SLC35D2: variants seen among roughly 807,000 people sequenced by gnomAD.
The protein encoded by SLC35D2 is solute carrier family 35 member D2.
In SLC35D2, 43 loss-of-function variants were observed where a neutral mutation model predicts 41.8. The ratio of observed to expected loss-of-function variants is 1.03; its 90% CI spans 0.81 to 1.33. The LOEUF (loss-of-function observed/expected upper bound fraction) is 1.33. Among genes scored for constraint, SLC35D2 ranks in the 40% most tolerant of loss-of-function variants. SLC35D2 has a pLI of 0.00. For synonymous variants in SLC35D2, 150 were observed against 163.9 expected (o/e 0.92, Z 0.65); for missense variants, 380 against 408.4 (o/e 0.93, Z 0.60).
chr9:96,365,421 G>T (rs566482439), intron 2 of SLC35D2, among the ~76,000 whole-genome samples: 6 of 152,172 alleles, frequency 3.9e-5, no homozygotes, highest in African/African-American at 1.2e-4. Context: ...GGGGCTCTAG[G>T]AATGAACTGT....
At chr9:96,371,474 CAAAAAAAAAAAAAA>C (rs539576375) in intron 1 of SLC35D2, among the ~76,000 whole-genome samples, 15 of 46,650 alleles carry the variant, frequency 3.2e-4, no homozygotes, top group East Asian at 1.8e-3. Flanking sequence ...GACTCTGTCT[CAAAAAAAAAAAAAA>C]AAAAAAAAAA....
chr9:96,379,348 T>C (rs917400273), intron 1 of SLC35D2, among the ~76,000 whole-genome samples: 1 of 150,698 alleles, frequency 6.6e-6, no homozygotes, highest in Non-Finnish European at 1.5e-5. Flanking sequence ...GGCCACAAAC[T>C]CTGAAATGCC....
chr9:96,374,630 G>C (rs13302834), intron 1 of SLC35D2, among the ~76,000 whole-genome samples: 4,217 of 150,920 alleles, frequency 0.028, 72 homozygotes, highest in Middle Eastern at 0.058. Context: ...ATCAGGAGAT[G>C]GAGACCATCC....
intron 7 of SLC35D2, among the ~76,000 whole-genome samples, chr9:96,344,827 T>C (rs1829506121): frequency 6.6e-6 from 1 of 152,074 alleles, no homozygotes; most frequent in Non-Finnish European, 1.5e-5. Flanking sequence ...CAGCTATTGC[T>C]GGACAAGACC....
chr9:96,382,496 C>CTATATATATATATATA (rs142809659), intron 1 of SLC35D2, among the ~76,000 whole-genome samples: 7 of 127,940 alleles, frequency 5.5e-5, no homozygotes, highest in African/African-American at 2.0e-4. Flanking sequence ...CACACACACA[C>CTATATATATATATATA]TATATATATA....
chr9:96,345,620 GAGCGACATTA>G (rs1264661542), intron 6 of SLC35D2, among the ~76,000 whole-genome samples: 2 of 152,190 alleles, frequency 1.3e-5, no homozygotes, highest in African/African-American at 4.8e-5. Context: ...CTTAAAACCA[GAGCGACATTA>G]AGCATCTTCC....
At position 96,359,702 on chromosome 9, in the gene SLC35D2, C is replaced by G. The variant is rs573190080; in HGVS notation, c.347+452G>C. 4.6e-5 allele frequency among the ~76,000 whole-genome samples: 7 copies of G among 152,080 alleles called. No homozygotes were observed. In the South Asian group the frequency reaches 1.5e-3, roughly 32 times the overall value. On this transcript the variant is annotated intron_variant, in intron 4 of 11. Coordinates refer to ENST00000253270, the MANE Select transcript of SLC35D2 (RefSeq NM_007001.3). ...ACTCTGTCTCAAAAAAAAAAAAGAC[C>G]CTGAAATAAATGCAGATGCAAATTT...
At chr9:96,341,370 A>G (rs1829317932) in intron 8 of SLC35D2, among the ~76,000 whole-genome samples, 1 of 152,240 alleles carries the variant, frequency 6.6e-6, no homozygotes, top group Admixed American at 6.5e-5. Flanking sequence ...GTTTTCACAC[A>G]TGAAGGAGAA....
intron 10 of SLC35D2, among the ~76,000 whole-genome samples, chr9:96,323,780 G>T (rs6479248): frequency 0.52 from 78,681 of 151,666 alleles, 22,350 homozygotes; most frequent in African/African-American, 0.77. Flanking sequence ...TAAAAAATTA[G>T]CCGGGTGTGG....
chr9:96,329,088 CAA>C (rs11325875), intron 9 of SLC35D2, among the ~76,000 whole-genome samples: 60 of 95,108 alleles, frequency 6.3e-4, no homozygotes, highest in Admixed American at 1.5e-3. Context: ...GACTCCATCT[CAA>C]AAAAAAAAAA....
At chr9:96,339,287 T>G (rs1829200838) in intron 8 of SLC35D2, among the ~76,000 whole-genome samples, 1 of 152,164 alleles carries the variant, frequency 6.6e-6, no homozygotes, top group African/African-American at 2.4e-5. Context: ...ATTTCTGTAT[T>G]TTTAGTAGAG....
intron 1 of SLC35D2, among the ~76,000 whole-genome samples, chr9:96,370,611 C>T (rs754237854): frequency 8.6e-5 from 13 of 151,958 alleles, no homozygotes; most frequent in Non-Finnish European, 1.5e-4. Context: ...GAGCCGAGAT[C>T]GTGCCACTGC....
At chr9:96,355,808 G>A (rs892199453) in intron 4 of SLC35D2, among the ~76,000 whole-genome samples, 19 of 151,890 alleles carry the variant, frequency 1.3e-4, no homozygotes, top group African/African-American at 4.6e-4. Context: ...CTAAGAAAAT[G>A]TTTAAATCAA....
At chr9:96,363,071 G>A (rs1830341303) in intron 3 of SLC35D2, among the ~76,000 whole-genome samples, 1 of 151,896 alleles carries the variant, frequency 6.6e-6, no homozygotes, top group South Asian at 2.1e-4. Flanking sequence ...GTTTCACCAT[G>A]TTGGCCAGGC....
chr9:96,320,515 C>CA (rs11332811), downstream of SLC35D2, among the ~76,000 whole-genome samples: 245 of 124,212 alleles, frequency 2.0e-3, no homozygotes, highest in Middle Eastern at 0.014. Context: ...GACTCTGTCT[C>CA]AAAAAAAAAA....
chr9:96,329,814 G>A (rs904191093), intron 9 of SLC35D2, among the ~76,000 whole-genome samples: 1 of 152,166 alleles, frequency 6.6e-6, no homozygotes. Flanking sequence ...AATGATATTT[G>A]GCTTCCTCAA....
chr9:96,323,568 G>A (rs1252208095), intron 10 of SLC35D2, among the ~76,000 whole-genome samples: 1 of 152,000 alleles, frequency 6.6e-6, no homozygotes, highest in Non-Finnish European at 1.5e-5. Flanking sequence ...CAACTTAAAA[G>A]TTATAATTCA....
intron 1 of SLC35D2, among the ~76,000 whole-genome samples, chr9:96,372,980 A>G (rs145577047): frequency 0.015 from 2,276 of 149,344 alleles, 47 homozygotes; most frequent in African/African-American, 0.053. Context: ...GCTCACTGCA[A>G]CCTCTGCCTC....
At chr9:96,317,414 A>G (rs1208883089), downstream of SLC35D2, among the ~76,000 whole-genome samples, 1 of 152,038 alleles carries the variant, frequency 6.6e-6, no homozygotes, top group Non-Finnish European at 1.5e-5. Context: ...AACTAACCTT[A>G]GTTCAAAAGC....
Sources: allele counts gnomAD v4.1 joint callset (sites outside exome capture counted in the v4.1 genomes callset), GRCh38; gene constraint gnomAD v4.1.1; transcripts MANE v1.5; gene names NCBI Gene and HGNC (gene_info 2026-07-23, HGNC 2026-07-21).